Variants in ACTR3B observed in about 807,000 individuals in gnomAD.
The protein encoded by ACTR3B is actin related protein 3B.
A neutral mutation model predicts 59.0 loss-of-function variants in ACTR3B; 8 were observed. The observed-to-expected ratio is 0.14, with a 90% CI of 0.08 to 0.24. The LOEUF (loss-of-function observed/expected upper bound fraction) is 0.24, where lower values mean the gene tolerates loss of function less well. Ranked by LOEUF, ACTR3B falls within the 10% of genes least tolerant of loss-of-function variation. The pLI, the probability that ACTR3B is intolerant of heterozygous loss-of-function variation, is 1.00. For synonymous variants in ACTR3B, 148 were observed against 197.9 expected (o/e 0.75, Z 2.12); for missense variants, 245 against 552.3 (o/e 0.44, Z 5.58).
At chr7:152,794,653 C>T (rs1159687614) in intron 2 of ACTR3B, among the ~76,000 whole-genome samples, 1 of 152,106 alleles carries the variant, frequency 6.6e-6, no homozygotes, top group Non-Finnish European at 1.5e-5. Context: ...CAAACTTGTA[C>T]ATCAGATGGT....
intron 9 of ACTR3B, among the ~76,000 whole-genome samples, chr7:152,834,633 C>T (rs1797299693): frequency 6.6e-6 from 1 of 152,186 alleles, no homozygotes; most frequent in African/African-American, 2.4e-5. Context: ...AGGCCTGATG[C>T]TCCATGCTGT....
intron 5 of ACTR3B, among the ~76,000 whole-genome samples, chr7:152,816,089 C>T (rs34532406): frequency 0.014 from 2,122 of 152,222 alleles, 47 homozygotes; most frequent in African/African-American, 0.047. Context: ...TGGGAGTACA[C>T]GTGCGTGTCA....
chr7:152,850,605 G>C (rs1469579884), intron 9 of ACTR3B, among the ~76,000 whole-genome samples: 1 of 152,254 alleles, frequency 6.6e-6, no homozygotes, highest in East Asian at 1.9e-4. Flanking sequence ...CTGAGTCCAC[G>C]TGGGTGCTGT....
intron 9 of ACTR3B, among the ~76,000 whole-genome samples, chr7:152,829,057 T>TAC (rs1194718052): frequency 1.0e-3 from 151 of 144,766 alleles, no homozygotes; most frequent in East Asian, 3.6e-3. Flanking sequence ...TATATATATA[T>TAC]ACACACACAC....
At chr7:152,780,538 C>T (rs1159204361) in intron 1 of ACTR3B, among the ~76,000 whole-genome samples, 8 of 151,882 alleles carry the variant, frequency 5.3e-5, no homozygotes, top group Non-Finnish European at 5.9e-5. Context: ...GTTGCTGAGT[C>T]GTATCATCAG....
intron 4 of ACTR3B, among the ~76,000 whole-genome samples, chr7:152,807,277 C>A (rs1228339215): frequency 6.6e-6 from 1 of 152,056 alleles, no homozygotes; most frequent in Non-Finnish European, 1.5e-5. Flanking sequence ...AACATAGGTA[C>A]TGTTGACATT....
At chr7:152,851,742 T>TC (rs1347883060) in intron 9 of ACTR3B, among the ~76,000 whole-genome samples, 1 of 152,136 alleles carries the variant, frequency 6.6e-6, no homozygotes, top group Non-Finnish European at 1.5e-5. Flanking sequence ...TAGAAGACTT[T>TC]CCCCCAGTGA....
At chr7:152,761,776 G>A (rs1462572373) in intron 1 of ACTR3B, among the ~76,000 whole-genome samples, 1 of 152,158 alleles carries the variant, frequency 6.6e-6, no homozygotes, top group Non-Finnish European at 1.5e-5. Flanking sequence ...TTCCCAGAGA[G>A]CCAAAATGAT....
chr7:152,794,080 T>C (rs2098206969), intron 2 of ACTR3B, among the ~76,000 whole-genome samples: 1 of 152,198 alleles, frequency 6.6e-6, no homozygotes, highest in Non-Finnish European at 1.5e-5. Context: ...TCCATAGGTA[T>C]AGACAAAATA....
At chr7:152,760,961 C>T (rs2098087578) in intron 1 of ACTR3B, among the ~76,000 whole-genome samples, 1 of 152,126 alleles carries the variant, frequency 6.6e-6, no homozygotes, top group African/African-American at 2.4e-5. Context: ...GGCATGTTCA[C>T]CTTACCCTTG....
In ACTR3B at chr7:152,786,120, TGTGTG is replaced by T. The variant is rs1188704883; in HGVS notation, c.100+2883_100+2887del. ...CGGAGAATGTGTGGTGATCAGAGAA[TGTGTG>T]GTGTAGAAAGAGGCTAGAGGAGGAG... On this transcript the variant is annotated intron_variant, in intron 2 of 11. Coordinates refer to ENST00000256001, the MANE Select transcript of ACTR3B (RefSeq NM_020445.6). Among the ~76,000 whole-genome samples, 6 of 32,500 alleles carry T rather than the reference TGTGTG, an allele frequency of 1.8e-4. No individual in the cohort carries two copies. In the East Asian group the frequency reaches 3.5e-3, roughly 19 times the overall value. 21.3% of individuals were successfully genotyped at this position (32,500 alleles called of 152,430 possible).
chr7:152,764,571 C>A (rs1196353089), intron 1 of ACTR3B, among the ~76,000 whole-genome samples: 1 of 151,056 alleles, frequency 6.6e-6, no homozygotes, highest in Non-Finnish European at 1.5e-5. Context: ...TCGCTTGAAC[C>A]AGGAGGCGGA....
intron 1 of ACTR3B, among the ~76,000 whole-genome samples, chr7:152,777,808 G>A (rs1252358215): frequency 3.3e-5 from 5 of 152,026 alleles, no homozygotes; most frequent in African/African-American, 7.2e-5. Context: ...AAAATTAGCC[G>A]GGCGTGGTGG....
intron 6 of ACTR3B, among the ~76,000 whole-genome samples, chr7:152,819,100 T>G (rs560493097): frequency 7.3e-4 from 111 of 152,346 alleles, no homozygotes; most frequent in African/African-American, 2.5e-3. Flanking sequence ...GCTAATATTA[T>G]TTTTATGGGT....
At chr7:152,828,087 C>T (rs1318272894) in intron 9 of ACTR3B, among the ~76,000 whole-genome samples, 1 of 151,958 alleles carries the variant, frequency 6.6e-6, no homozygotes. Flanking sequence ...TTTACAAAAG[C>T]AGGAGAGAGC....
intron 9 of ACTR3B, among the ~76,000 whole-genome samples, chr7:152,826,412 GA>G (rs1417965660): frequency 6.6e-6 from 1 of 151,620 alleles, no homozygotes. Flanking sequence ...TTACTGTTAA[GA>G]TTTTTTTATA....
At chr7:152,805,143 A>AG (rs546724775) in intron 4 of ACTR3B, among the ~76,000 whole-genome samples, 88 of 151,350 alleles carry the variant, frequency 5.8e-4, no homozygotes, top group African/African-American at 2.1e-3. Flanking sequence ...AGAGATATAC[A>AG]GGAGGTAGAA....
intron 9 of ACTR3B, among the ~76,000 whole-genome samples, chr7:152,843,259 A>G (rs1329344063): frequency 6.6e-6 from 1 of 152,194 alleles, no homozygotes; most frequent in Non-Finnish European, 1.5e-5. Flanking sequence ...ATTTTTGCCT[A>G]CCACAAAATT....
At position 152,854,274 on chromosome 7, in the gene ACTR3B, C is replaced by G. The variant is rs937330457; in HGVS notation, c.1162-184C>G. Among the ~76,000 whole-genome samples, 2 of 152,102 alleles carry G rather than the reference C, an allele frequency of 1.3e-5. No homozygotes were observed. Among genetic ancestry groups the G allele is most frequent in the African/African-American group, 2.4e-5 (1 of 41,400 alleles). On this transcript the variant is annotated intron_variant, in intron 11 of 11. Transcript: ENST00000256001. This position sits in a 1 kb window ranked among gnomAD's most constrained non-coding sequence, Gnocchi z 4.9. Reference sequence around the variant, plus strand: ...AAGAAGATACAGGCTGATGAAATTTCTAAAAAGTGAAATAACTCCCCATTT... The same window carrying G: ...AAGAAGATACAGGCTGATGAAATTTGTAAAAAGTGAAATAACTCCCCATTT...
Sources: gnomAD v4.1 joint callset for allele counts (sites outside exome capture counted in the v4.1 genomes callset) on GRCh38, gnomAD v4.1.1 for gene constraint, Gnocchi (gnomAD v3.1) non-coding constraint, MANE v1.5 for transcripts, NCBI Gene and HGNC (gene_info 2026-07-23, HGNC 2026-07-21) for gene names.